UNKL: variants seen among roughly 807,000 people sequenced by gnomAD.
UNKL encodes the protein unk like zinc finger, also known as putative E3 ubiquitin-protein ligase UNKL.
UNKL carries 60 observed loss-of-function variants against 78.0 expected under a neutral mutation model. The ratio of observed to expected loss-of-function variants is 0.77; its 90% CI spans 0.63 to 0.95. The LOEUF (loss-of-function observed/expected upper bound fraction) is 0.95. Among genes scored for constraint, UNKL ranks in the 40% least tolerant of loss-of-function variants. The probability of loss-of-function intolerance (pLI) is 0.00; values close to 1 mark genes in which losing one functional copy is unlikely to be tolerated. For synonymous variants in UNKL, 608 were observed against 474.8 expected (o/e 1.28, Z -3.65); for missense variants, 1,159 against 1,045.7 (o/e 1.11, Z -1.49).
rs1460425879 is a variant in UNKL at position 1,403,708 on chromosome 16, T to C, written c.288-364A>G. 6.6e-6 allele frequency among the ~76,000 whole-genome samples: 1 copy of C among 152,226 alleles called. No homozygotes were observed. Among genetic ancestry groups the C allele is most frequent in the African/African-American group, 2.4e-5 (1 of 41,460 alleles). On this transcript the variant is annotated intron_variant, in intron 2 of 14. Transcript: ENST00000389221. The surrounding 1 kb of genome is among the most constrained non-coding windows in gnomAD (Gnocchi z 4.8). ...AAACCTGTGTGGGAATGAGAGTTCA[T>C]GCCCTGCACGCAGGCTGCGTCACCT...
intron 10 of UNKL, among the ~76,000 whole-genome samples, 158 bp from the exon 11 acceptor site, chr16:1,371,769 C>G (rs997692046): frequency 6.6e-6 from 1 of 152,148 alleles, no homozygotes; most frequent in East Asian, 1.9e-4. Flanking sequence ...ACCCCCAGCC[C>G]GTCCTCGCAG....
chr16:1,385,065 C>G, intron 10 of UNKL, 143 bp downstream of exon 10: 1 of 659,584 alleles, frequency 1.5e-6, no homozygotes, highest in Non-Finnish European at 2.1e-6. Flanking sequence ...ACCAAAGTGA[C>G]AGATGACTGA....
rs112806619 is a variant in UNKL, at chr16:1,400,456, T to A, written c.599-947A>T. 2.6e-3 allele frequency among the ~76,000 whole-genome samples: 239 copies of A among 91,162 alleles called. 2 individuals are homozygous for A. Among genetic ancestry groups the A allele is most frequent in the African/African-American group, 9.1e-3 (226 of 24,764 alleles). The allele number at this position is 91,162 out of a possible 152,430, so 59.8% of individuals were successfully genotyped here. On this transcript the variant is annotated intron_variant, in intron 4 of 14. Transcript: ENST00000389221. ...AAAAAAAAAAAAAAAAAAAAAAAAA[T>A]CGCTGCCATACGCAATGTCCAGAAT...
intron 9 of UNKL, among the ~76,000 whole-genome samples, chr16:1,385,795 G>C (rs558149459): frequency 1.3e-5 from 2 of 152,172 alleles, no homozygotes; most frequent in Non-Finnish European, 2.9e-5. Context: ...CCCGGCTCTC[G>C]CCCAGGACTG....
intron 6 of UNKL, among the ~76,000 whole-genome samples, chr16:1,396,728 G>T (rs2037279641): frequency 6.6e-6 from 1 of 152,038 alleles, no homozygotes; most frequent in Admixed American, 6.6e-5. Flanking sequence ...TGAGTAGCTG[G>T]GACTACAGAC....
chr16:1,379,984 CA>C (rs1393422535), intron 10 of UNKL, among the ~76,000 whole-genome samples: 1 of 152,216 alleles, frequency 6.6e-6, no homozygotes, highest in Non-Finnish European at 1.5e-5. Flanking sequence ...GTCGACCCAA[CA>C]GGGGCGCTCG....
chr16:1,406,034 A>G (rs1465165046), intron 2 of UNKL: 1 of 456,752 alleles, frequency 2.2e-6, no homozygotes, highest in East Asian at 6.9e-5. Context: ...AGGCCCGTGG[A>G]TCTGCACTGC....
rs969837092 is a variant in UNKL, at chr16:1,403,091, C to A, written c.464+77G>T. ...CCTGCAGCAGCAGGGAGGCGAGCCA[C>A]TTGCCGAGTTCCTGCTCATCCAGCA... On this transcript the variant is annotated intron_variant, in intron 3 of 14. Transcript: ENST00000389221. The surrounding 1 kb of genome is among the most constrained non-coding windows in gnomAD (Gnocchi z 4.8). 1.5e-5 allele frequency: 23 copies of A among 1,487,924 alleles called. No individual in the cohort carries two copies. The African/African-American group carries it at 3.1e-4, about 20-fold the overall frequency. 92.2% of individuals were successfully genotyped at this position (1,487,924 alleles called of 1,614,324 possible).
At chr16:1,404,853 A>C (rs1031250736) in intron 2 of UNKL, among the ~76,000 whole-genome samples, 1 of 152,096 alleles carries the variant, frequency 6.6e-6, no homozygotes, top group Non-Finnish European at 1.5e-5. Context: ...CTATCCACAC[A>C]ATGGGGTAAA....
Position 1,399,755 on chromosome 16 carries a change from C to T in UNKL, c.599-246G>A, listed in dbSNP as rs1027686337. Among the ~76,000 whole-genome samples, 1 of 152,188 alleles carries T rather than the reference C, an allele frequency of 6.6e-6. No homozygotes were observed. Among genetic ancestry groups the T allele is most frequent in the Admixed American group, 6.5e-5 (1 of 15,274 alleles). ...AAAATGCCCAGAACTAGGGAACCCA[C>T]AGAGACGGAGTGGAGCCGAGACCAC... On this transcript the variant is annotated intron_variant, in intron 4 of 14. Transcript: ENST00000389221. The surrounding 1 kb of genome is among the most constrained non-coding windows in gnomAD (Gnocchi z 5.8).
intron 5 of UNKL, among the ~76,000 whole-genome samples, chr16:1,398,029 G>A (rs1383767104): frequency 6.6e-6 from 1 of 152,236 alleles, no homozygotes; most frequent in Non-Finnish European, 1.5e-5. Context: ...TTGAGTCTCA[G>A]TCAGAGCCAC....
intron 6 of UNKL, chr16:1,394,429 G>C (rs981752442): frequency 1.4e-6 from 1 of 696,980 alleles, no homozygotes; most frequent in African/African-American, 1.7e-5. Context: ...ACGCACACAT[G>C]TGGGGCCATT....
chr16:1,401,365 G>T, intron 4 of UNKL: 1 of 531,708 alleles, frequency 1.9e-6, no homozygotes, highest in Non-Finnish European at 3.0e-6. Flanking sequence ...GAGCAGGTGC[G>T]GGGGAAGGCG....
chr16:1,397,038 AC>A, intron 6 of UNKL, 139 bp downstream of exon 6: 1 of 871,210 alleles, frequency 1.1e-6, no homozygotes, highest in Non-Finnish European at 1.8e-6. Context: ...TCATGCCTCC[AC>A]CCCCAGGCTT....
intron 2 of UNKL, chr16:1,405,806 T>A (rs191003018): frequency 2.7e-6 from 1 of 372,814 alleles, no homozygotes; most frequent in East Asian, 7.4e-5. Flanking sequence ...GGCACCGCTC[T>A]GCCTCACGCT....
rs372447060 is a variant in UNKL at position 1,372,263 on chromosome 16, CA to C, written c.1265-653del. On this transcript the variant is annotated intron_variant, in intron 10 of 14. Transcript: ENST00000389221. ...TGGACGACAGAGCAAGATTCCATCT[CA>C]AAAAAAACAAAAACAAAAACAAAAA... Among the ~76,000 whole-genome samples, 12 of 150,282 alleles carry C rather than the reference CA, an allele frequency of 8.0e-5. No individual in the cohort carries two copies. In the South Asian group the frequency reaches 8.4e-4, roughly 11 times the overall value.
chr16:1,392,660 C>T (rs2037096804), intron 8 of UNKL, among the ~76,000 whole-genome samples: 1 of 152,208 alleles, frequency 6.6e-6, no homozygotes, highest in South Asian at 2.1e-4. Context: ...GTCTTGAACT[C>T]CTGACCTCAG....
chr16:1,386,763 T>C (rs2036832052), intron 9 of UNKL, among the ~76,000 whole-genome samples: 1 of 152,190 alleles, frequency 6.6e-6, no homozygotes. Context: ...TCCTGGCTTC[T>C]GTGACCTAAG....
At chr16:1,379,554 G>A in intron 10 of UNKL, 23 of 985,280 alleles carry the variant, frequency 2.3e-5, no homozygotes, top group Non-Finnish European at 2.8e-5. Context: ...CGCACCTAAG[G>A]GAGGGCCCGC....
Sources: gnomAD v4.1 joint callset for allele counts (sites outside exome capture counted in the v4.1 genomes callset) on GRCh38, gnomAD v4.1.1 for gene constraint, Gnocchi (gnomAD v3.1) non-coding constraint, MANE v1.5 for transcripts, NCBI Gene and HGNC (gene_info 2026-07-23, HGNC 2026-07-21) for gene names.